Variants in FKTN observed in about 807,000 individuals in gnomAD.
FKTN encodes the protein fukutin, also known as ribitol-5-phosphate transferase FKTN.
In FKTN, 47 loss-of-function variants were observed where a neutral mutation model predicts 58.6. The ratio of observed to expected loss-of-function variants is 0.80; its 90% CI spans 0.63 to 1.02. FKTN has a LOEUF of 1.02. Ranked by LOEUF, FKTN falls within the 50% of genes least tolerant of loss-of-function variation. The pLI, the probability that FKTN is intolerant of heterozygous loss-of-function variation, is 0.00. For missense variants in FKTN, 516 were observed against 537.3 expected (o/e 0.96, Z 0.39); for synonymous variants, 178 against 191.9 (o/e 0.93, Z 0.60).
intron 7 of FKTN, among the ~76,000 whole-genome samples, chr9:105,610,014 GTTATAGTCAA>G (rs1375496726): frequency 6.6e-6 from 1 of 151,976 alleles, no homozygotes; most frequent in Non-Finnish European, 1.5e-5. Context: ...TACCCTATGG[GTTATAGTCAA>G]TTATTTTCAT....
rs147778604 is a variant in FKTN, at chr9:105,615,404, C to A, written c.907C>A (p.Leu303Ile). The change falls in exon 8 of 11, where the codon CTA becomes ATA. Residue 303 changes from leucine (L) to isoleucine (I), a missense_variant. Leu to Ile is a conservative substitution (Grantham distance 5, BLOSUM62 2). Coordinates refer to ENST00000357998, the MANE Select transcript of FKTN (RefSeq NM_001079802.2). Reference sequence around the variant, plus strand: ...ATTCTGGCTGAGCAGTGGAACTTGTCTAGGTAAAATTCTTACGACTTTCCA... The same window carrying A: ...ATTCTGGCTGAGCAGTGGAACTTGTATAGGTAAAATTCTTACGACTTTCCA... ...VPFWLSSGTC[L>I]GWYRQCNIIP... The A allele has an allele frequency of 3.1e-6, 5 of 1,613,860 alleles. No homozygotes were observed. In the African/African-American group the frequency reaches 6.7e-5, roughly 22 times the overall value.
At chr9:105,577,509 T>A (rs1841965782) in intron 3 of FKTN, among the ~76,000 whole-genome samples, 1 of 145,150 alleles carries the variant, frequency 6.9e-6, no homozygotes, top group Non-Finnish European at 1.5e-5. Context: ...GAGGGCTCTG[T>A]TCTGTTCCAT....
Position 105,602,674 on chromosome 9 carries a change from G to A in FKTN, c.369+1326G>A, listed in dbSNP as rs754130009. On this transcript the variant is annotated intron_variant, in intron 5 of 10. Coordinates refer to ENST00000357998, the MANE Select transcript of FKTN (RefSeq NM_001079802.2). The stretch of plus-strand genomic sequence containing the variant: ...AGGCTCAAGGGATTCTCCTGCCTCA[G>A]CCTCCTGAGTAGCTGGGATTACAGG... Among the ~76,000 whole-genome samples, 70 of 152,206 alleles carry A rather than the reference G, an allele frequency of 4.6e-4. 1 individual carries two copies. Among genetic ancestry groups the A allele is most frequent in the Non-Finnish European group, 1.2e-4 (8 of 68,036 alleles).
chr9:105,586,323 A>G (rs1272091537), intron 3 of FKTN, among the ~76,000 whole-genome samples: 1 of 152,214 alleles, frequency 6.6e-6, no homozygotes, highest in East Asian at 1.9e-4. Flanking sequence ...TTGGATATAC[A>G]AACTCCTTTA....
chr9:105,567,599 TC>T (rs1448249916), intron 1 of FKTN, among the ~76,000 whole-genome samples: 1 of 152,164 alleles, frequency 6.6e-6, no homozygotes, highest in African/African-American at 2.4e-5. Flanking sequence ...GTGAAGGACC[TC>T]TTTAAGGAGA....
chr9:105,596,864 G>A (rs937464272), intron 4 of FKTN: 1 of 570,414 alleles, frequency 1.8e-6, no homozygotes, highest in African/African-American at 1.9e-5. Context: ...TAAGAAGTGA[G>A]TAAATATTGT....
At chr9:105,577,525 T>C (rs1331135249) in intron 3 of FKTN, among the ~76,000 whole-genome samples, 1 of 144,212 alleles carries the variant, frequency 6.9e-6, no homozygotes, top group Non-Finnish European at 1.5e-5. Context: ...TCCATTGATC[T>C]ATATCTCTGT....
chr9:105,577,866 C>A (rs1301194137), intron 3 of FKTN, among the ~76,000 whole-genome samples: 1 of 149,972 alleles, frequency 6.7e-6, no homozygotes, highest in Non-Finnish European at 1.5e-5. Context: ...TTGTAGTTCT[C>A]CTTGAAGAGG....
At chr9:105,598,932 GACACACAC>G (rs3030697) in intron 4 of FKTN, among the ~76,000 whole-genome samples, 2 of 149,842 alleles carry the variant, frequency 1.3e-5, no homozygotes, top group Admixed American at 6.6e-5. Context: ...AACCCTAAAA[GACACACAC>G]ACACACACAC....
rs1833949546 is a variant in FKTN, at chr9:105,635,270, T to C, written c.*6T>C. 4.3e-6 allele frequency: 7 copies of C among 1,613,770 alleles called. No homozygotes were observed. The highest frequency in any genetic ancestry group is 5.9e-6 in the Non-Finnish European group (7 of 1,179,640). Reference sequence around the variant, plus strand: ...AGGTTATCCAGTTATATTGAGATAGTAGGTTGAAATGGGAGAATTTCTCTT... The same window carrying C: ...AGGTTATCCAGTTATATTGAGATAGCAGGTTGAAATGGGAGAATTTCTCTT... On this transcript the variant is annotated 3_prime_UTR_variant, in exon 11 of 11. Transcript: ENST00000357998.
chr9:105,604,159 T>TAAATATTCAATGTTTG, intron 5 of FKTN, 56 bp from the exon 6 acceptor site: 1 of 1,585,220 alleles, frequency 6.3e-7, no homozygotes, highest in Non-Finnish European at 8.7e-7. Flanking sequence ...TATTTGGCTT[T>TAAATATTCAATGTTTG]AAATATTCAA....
chr9:105,607,834 A>G lies in FKTN; in HGVS notation c.663A>G (p.Gln221=), dbSNP rs1443595524. 1.2e-6 allele frequency: 2 copies of G among 1,613,266 alleles called. No homozygotes were observed. Among genetic ancestry groups the G allele is most frequent in the Admixed American group, 1.7e-5 (1 of 59,978 alleles). Residue 221 remains glutamine (Q), a synonymous_variant, in exon 7 of 11, where the codon CAA becomes CAG. Coordinates refer to ENST00000357998, the MANE Select transcript of FKTN (RefSeq NM_001079802.2). ...PGAFDRPELQ[Q]VTVDGLEVLI... is the part of the protein sequence containing the mutation. ...TTGTTTTCAGGCCAGAGTTACAGCA[A>G]GTTACTGTTGATGGACTGGAAGTTC...
In FKTN at chr9:105,636,573, T is replaced by A; in HGVS notation, c.*1309T>A. Reference sequence around the variant, plus strand: ...TGTCTGAGTCAGCTAGGATGCTGTTTACCCCATCTCTCTCTTATATCACTT... The same window carrying A: ...TGTCTGAGTCAGCTAGGATGCTGTTAACCCCATCTCTCTCTTATATCACTT... On this transcript the variant is annotated 3_prime_UTR_variant, in exon 11 of 11. Transcript: ENST00000357998. 9.4e-7 allele frequency: 1 copy of A among 1,066,052 alleles called. No individual in the cohort carries two copies. Among genetic ancestry groups the A allele is most frequent in the Non-Finnish European group, 1.2e-6 (1 of 863,248 alleles). The allele number at this position is 1,066,052 out of a possible 1,614,324, so 66.0% of individuals were successfully genotyped here.
At chr9:105,580,411 C>A (rs1842661833) in intron 3 of FKTN, among the ~76,000 whole-genome samples, 1 of 146,856 alleles carries the variant, frequency 6.8e-6, no homozygotes, top group Admixed American at 6.9e-5. Flanking sequence ...TATTTAATTT[C>A]TCCTTCACTT....
chr9:105,604,955 C>A (rs76358193), intron 6 of FKTN, among the ~76,000 whole-genome samples: 40,089 of 109,158 alleles, frequency 0.37, 5,560 homozygotes, highest in Non-Finnish European at 0.4. Flanking sequence ...GACTTTGTCT[C>A]AAAAAAAAAA....
At position 105,604,219 on chromosome 9, in the gene FKTN, G is replaced by A. The variant is rs142783718; in HGVS notation, c.374G>A (p.Gly125Asp). 27 of 1,612,224 alleles carry A rather than the reference G, an allele frequency of 1.7e-5. No homozygotes were observed. The highest frequency in any genetic ancestry group is 2.3e-5 in the Non-Finnish European group (27 of 1,179,974). ...LQYHLWKNEE[G>D]WFRIAENMGF... is the part of the protein sequence containing the mutation. Reference sequence around the variant, plus strand: ...TTGATGCTTCTTTGGTTCTAGGAAGGCTGGTTTCGGATAGCTGAGAATATG... The same window carrying A: ...TTGATGCTTCTTTGGTTCTAGGAAGACTGGTTTCGGATAGCTGAGAATATG... The change falls in exon 6 of 11, where the codon GGC (glycine) becomes GAC (aspartate). Residue 125 changes from glycine to aspartate, a missense_variant. Transcript: ENST00000357998.
In FKTN at chr9:105,635,056, T is replaced by C. The variant is rs374962879; in HGVS notation, c.1178T>C (p.Leu393Pro). 31 of 1,614,084 alleles carry C rather than the reference T, an allele frequency of 1.9e-5. No individual in the cohort carries two copies. The highest frequency in any genetic ancestry group is 2.6e-5 in the Non-Finnish European group (31 of 1,179,892). Residue 393 changes from leucine (L) to proline (P), a missense_variant, in exon 11 of 11, where the codon CTG (leucine) becomes CCG (proline). Coordinates refer to ENST00000357998, the MANE Select transcript of FKTN (RefSeq NM_001079802.2). ...QAKTGKKFKY[L>P]FPKFTLCWTE... ...ATCCCTCTGTTTTGCTGCAGATACC[T>C]GTTTCCGAAGTTTACACTGTGCTGG...
chr9:105,598,076 T>G (rs774044164), intron 4 of FKTN: 1 of 456,382 alleles, frequency 2.2e-6, no homozygotes, highest in East Asian at 7.0e-5. Context: ...CTCTATCCTT[T>G]TCATTCAAGA....
Position 105,575,054 on chromosome 9 carries a change from G to A in FKTN, c.22G>A (p.Val8Met), listed in dbSNP as rs368981218. ...ACTAATGAGTAGAATCAATAAGAAC[G>A]TGGTTTTGGCCCTTTTAACGCTGAC... MSRINKN[V>M]VLALLTLTSS... The change falls in exon 3 of 11, where the codon GTG becomes ATG. Residue 8 changes from valine (V) to methionine (M), a missense_variant. Coordinates refer to ENST00000357998, the MANE Select transcript of FKTN (RefSeq NM_001079802.2). The A allele has an allele frequency of 2.9e-5, 47 of 1,604,374 alleles. No individual in the cohort carries two copies. Among genetic ancestry groups the A allele is most frequent in the Non-Finnish European group, 3.4e-5 (40 of 1,171,348 alleles).
Sources: gnomAD v4.1 joint callset for allele counts (sites outside exome capture counted in the v4.1 genomes callset) on GRCh38, gnomAD v4.1.1 for gene constraint, MANE v1.5 for transcripts, NCBI Gene and HGNC (gene_info 2026-07-23, HGNC 2026-07-21) for gene names.